Variants in CDH9 observed in about 807,000 individuals in gnomAD.
The protein encoded by CDH9 is cadherin 9.
Under a neutral mutation model 70.9 loss-of-function variants are expected in CDH9, and 28 were observed. The observed-to-expected ratio is 0.40, with a 90% confidence interval of 0.29 to 0.54. The LOEUF (loss-of-function observed/expected upper bound fraction) is 0.54. CDH9 is among the 20% of genes least tolerant of loss of function. The pLI is 0.59. For synonymous variants in CDH9, 409 were observed against 343.1 expected, an observed-to-expected ratio of 1.19 and a Z score of -2.12; for missense variants, 874 against 984.4, an observed-to-expected ratio of 0.89 and a Z score of 1.50.
At chr5:26,906,945 G>A in intron 3 of CDH9, 107 bp from the exon 4 acceptor site, 1 of 1,330,864 alleles carries the variant, frequency 7.5e-7, no homozygotes, top group East Asian at 2.8e-5. Context: ...AGACGATGTT[G>A]TATGTTTGAA....
chr5:26,962,135 G>A (rs1038638849), intron 2 of CDH9, among the ~76,000 whole-genome samples: 15 of 152,084 alleles, frequency 9.9e-5, no homozygotes, highest in African/African-American at 3.6e-4. Flanking sequence ...CATCATCTAT[G>A]TCCCTGCAAA....
At chr5:26,883,094 T>TA (rs1303778672) in intron 11 of CDH9, among the ~76,000 whole-genome samples, 3 of 100,356 alleles carry the variant, frequency 3.0e-5, no homozygotes, top group Admixed American at 1.1e-4. Context: ...TATATATATA[T>TA]AAAACTGCAG....
chr5:26,995,506 T>C (rs1410918584), intron 1 of CDH9, among the ~76,000 whole-genome samples: 1 of 152,112 alleles, frequency 6.6e-6, no homozygotes, highest in Non-Finnish European at 1.5e-5. Context: ...AGTCCTTTGA[T>C]GGTATATCTT....
intron 1 of CDH9, among the ~76,000 whole-genome samples, chr5:27,004,110 GAA>G (rs59593576): frequency 0.47 from 49,651 of 105,724 alleles, 10,058 homozygotes; most frequent in Non-Finnish European, 0.54. Flanking sequence ...ATGCCTCTCT[GAA>G]AAAAAAAAAA....
At chr5:27,012,765 C>G (rs1209137908) in intron 1 of CDH9, among the ~76,000 whole-genome samples, 1 of 151,996 alleles carries the variant, frequency 6.6e-6, no homozygotes, top group Non-Finnish European at 1.5e-5. Context: ...AACACATTAG[C>G]ATGTTTTCCT....
At position 26,915,871 on chromosome 5, in the gene CDH9, T is replaced by A. The variant is rs1741139339; in HGVS notation, c.282A>T (p.Gly94=). 1 of 1,611,844 alleles carries A rather than the reference T, an allele frequency of 6.2e-7. No homozygotes were observed. The highest frequency in any genetic ancestry group is 1.7e-5 in the Admixed American group (1 of 59,944). ...TAACAAATAGACTGCCAGCCCCATC[T>A]CCTGTTAGTATGTATTTTAAATTTC... is the stretch of plus-strand genomic sequence containing the variant. ...GDGNLKYILT[G]DGAGSLFVID... The change falls in exon 3 of 12, where the codon GGA becomes GGT. Residue 94 remains glycine, a synonymous_variant. Coordinates refer to ENST00000231021, the MANE Select transcript of CDH9 (RefSeq NM_016279.4).
intron 2 of CDH9, among the ~76,000 whole-genome samples, chr5:26,920,274 C>G (rs1741221600): frequency 6.6e-6 from 1 of 151,546 alleles, no homozygotes; most frequent in South Asian, 2.1e-4. Flanking sequence ...GGGAAAGACT[C>G]TTCTGCTTGA....
chr5:26,909,173 G>T (rs574112278), intron 3 of CDH9, among the ~76,000 whole-genome samples: 1 of 152,114 alleles, frequency 6.6e-6, no homozygotes, highest in East Asian at 1.9e-4. Flanking sequence ...TTTTAGTAGA[G>T]ACGGGGTTTC....
chr5:26,926,603 T>C (rs1561197542), intron 2 of CDH9, among the ~76,000 whole-genome samples: 1 of 152,012 alleles, frequency 6.6e-6, no homozygotes, highest in Non-Finnish European at 1.5e-5. Context: ...ACTTTAAAGT[T>C]CATATGGAAC....
intron 2 of CDH9, among the ~76,000 whole-genome samples, chr5:26,941,493 T>C (rs904212020): frequency 6.6e-6 from 1 of 152,216 alleles, no homozygotes; most frequent in Non-Finnish European, 1.5e-5. Flanking sequence ...CCTGTCATTG[T>C]GACACAGAAA....
At chr5:27,005,977 A>G (rs139822579) in intron 1 of CDH9, among the ~76,000 whole-genome samples, 7 of 152,082 alleles carry the variant, frequency 4.6e-5, no homozygotes, top group East Asian at 2.0e-4. Context: ...TGAGAACTCA[A>G]TGAAGACCAA....
At chr5:26,952,588 T>A (rs1366893578) in intron 2 of CDH9, among the ~76,000 whole-genome samples, 2 of 113,408 alleles carry the variant, frequency 1.8e-5, no homozygotes, top group Non-Finnish European at 3.3e-5. Flanking sequence ...TGAACTTAGA[T>A]CGCGCCACTG....
chr5:26,905,409 G>A (rs187090284), intron 5 of CDH9, among the ~76,000 whole-genome samples: 1 of 152,138 alleles, frequency 6.6e-6, no homozygotes, highest in East Asian at 1.9e-4. Context: ...ATAACTCTAT[G>A]GGCCACTAGG....
intron 1 of CDH9, among the ~76,000 whole-genome samples, chr5:26,989,274 A>T (rs572118272): frequency 6.6e-6 from 1 of 152,134 alleles, no homozygotes; most frequent in South Asian, 2.1e-4. Flanking sequence ...TTTGTTATCA[A>T]ATTGGTTTTA....
intron 1 of CDH9, among the ~76,000 whole-genome samples, chr5:26,995,875 G>A (rs547459558): frequency 1.8e-4 from 27 of 152,094 alleles, no homozygotes; most frequent in African/African-American, 6.3e-4. Flanking sequence ...CTTTGATTTT[G>A]TAATCAGGGA....
At chr5:26,927,795 A>G (rs1456354796) in intron 2 of CDH9, among the ~76,000 whole-genome samples, 1 of 152,060 alleles carries the variant, frequency 6.6e-6, no homozygotes, top group African/African-American at 2.4e-5. Context: ...CTAATAAAGC[A>G]TGATTTAAAT....
At chr5:26,899,819 G>C (rs528650952) in intron 7 of CDH9, among the ~76,000 whole-genome samples, 14 of 151,176 alleles carry the variant, frequency 9.3e-5, no homozygotes, top group Non-Finnish European at 1.3e-4. Flanking sequence ...GTATATCTAT[G>C]TAACAAACCT....
chr5:27,023,533 G>A (rs1481153689), intron 1 of CDH9, among the ~76,000 whole-genome samples: 1 of 151,822 alleles, frequency 6.6e-6, no homozygotes, highest in African/African-American at 2.4e-5. Flanking sequence ...TAGTAGGCCT[G>A]GATTCTACTC....
intron 2 of CDH9, among the ~76,000 whole-genome samples, chr5:26,980,981 A>C (rs1456833921): frequency 6.6e-6 from 1 of 152,198 alleles, no homozygotes; most frequent in East Asian, 1.9e-4. Context: ...CACAGGACTA[A>C]ATTTCACATT....
Sources: gnomAD v4.1 joint callset for allele counts (sites outside exome capture counted in the v4.1 genomes callset) on GRCh38, gnomAD v4.1.1 for gene constraint, MANE v1.5 for transcripts, NCBI Gene and HGNC (gene_info 2026-07-23, HGNC 2026-07-21) for gene names.